Variants in CES2 observed in about 807,000 individuals in gnomAD.
The protein encoded by CES2 is carboxylesterase 2.
A neutral mutation model predicts 52.1 loss-of-function variants in CES2; 42 were observed. The observed-to-expected ratio is 0.81, with a 90% CI of 0.63 to 1.04. CES2 has a LOEUF of 1.04. CES2 is among the 50% of genes least tolerant of loss of function. The pLI, the probability that CES2 is intolerant of heterozygous loss-of-function variation, is 0.00. For missense variants in CES2, 656 were observed against 724.3 expected, an observed-to-expected ratio of 0.91 and a Z score of 1.08; for synonymous variants, 277 against 289.6, an observed-to-expected ratio of 0.96 and a Z score of 0.44.
In CES2 at chr16:66,944,186, T is replaced by G; in HGVS notation, c.*161T>G. ...ATTCAGAAAGCATTTATTAAGAATT[T>G]ACTCAGGCATGATGGCCCATACTTG... On this transcript the variant is annotated 3_prime_UTR_variant, in exon 12 of 12. Transcript: ENST00000317091. The G allele has an allele frequency of 4.2e-6, 2 of 477,786 alleles. No individual in the cohort carries two copies. Among genetic ancestry groups the G allele is most frequent in the Non-Finnish European group, 7.4e-6 (2 of 270,846 alleles). 29.6% of individuals were successfully genotyped at this position (477,786 alleles called of 1,614,324 possible).
chr16:66,936,064 C>T (rs1963206206), intron 1 of CES2: 1 of 1,171,326 alleles, frequency 8.5e-7, no homozygotes, highest in Non-Finnish European at 1.1e-6. Flanking sequence ...GTAGCGGGTG[C>T]TGCCGGCCGG....
intron 9 of CES2, 143 bp downstream of exon 9, chr16:66,942,392 C>A: frequency 1.1e-6 from 1 of 951,632 alleles, no homozygotes; most frequent in Non-Finnish European, 1.5e-6. Context: ...AGTAAATCCT[C>A]ATGGCTAGCC....
At position 66,941,969 on chromosome 16, in the gene CES2, T is replaced by G. The variant is rs1404407499; in HGVS notation, c.1137+121T>G. The G allele has an allele frequency of 3.9e-6, 6 of 1,529,754 alleles. 1 individual carries two copies. Among genetic ancestry groups the G allele is most frequent in the Non-Finnish European group, 5.4e-6 (6 of 1,120,134 alleles). The allele number at this position is 1,529,754 out of a possible 1,614,324, so 94.8% of individuals were successfully genotyped here. On this transcript the variant is annotated intron_variant, in intron 8 of 11. Coordinates refer to ENST00000317091, the MANE Select transcript of CES2 (RefSeq NM_001365405.1). Reference sequence around the variant, plus strand: ...ACCCCCATGAGCAAAGGCCTGGGTGTGTGTGTTTAGGGGTGGGGTCACCTC... The same window carrying G: ...ACCCCCATGAGCAAAGGCCTGGGTGGGTGTGTTTAGGGGTGGGGTCACCTC...
rs1421759367 is a variant in CES2 at position 66,943,732 on chromosome 16, C to G, written c.1494-107C>G. ...CTCCCCACTCATTCCCCAAGCCCAC[C>G]TGGCCTGCTTGGCTGCCTTGCCTGA... On this transcript the variant is annotated intron_variant, in intron 11 of 11. Coordinates refer to ENST00000317091, the MANE Select transcript of CES2 (RefSeq NM_001365405.1). The surrounding 1 kb of genome is among the most constrained non-coding windows in gnomAD (Gnocchi z 4.2). 3.4e-6 allele frequency: 3 copies of G among 890,564 alleles called. No individual in the cohort carries two copies. The highest frequency in any genetic ancestry group is 5.2e-6 in the Non-Finnish European group (3 of 579,352). The allele number at this position is 890,564 out of a possible 1,614,324, so 55.2% of individuals were successfully genotyped here. A position where few individuals can be genotyped will look rare whatever the true frequency, so the allele number is the denominator to read the frequency against.
chr16:66,940,878 G>A (rs774688980), intron 5 of CES2, among the ~76,000 whole-genome samples, 183 bp downstream of exon 5: 6 of 152,220 alleles, frequency 3.9e-5, no homozygotes, highest in Non-Finnish European at 7.3e-5. Flanking sequence ...TGCAGAGGCC[G>A]AGCTTGTTCT....
chr16:66,939,178 A>G, intron 2 of CES2, 39 bp from the exon 3 acceptor site: 3 of 1,607,286 alleles, frequency 1.9e-6, no homozygotes, highest in African/African-American at 2.7e-5. Context: ...TTTTGGCCAC[A>G]GCCTGGCCCC....
At chr16:66,938,790 G>C (rs1963278261) in intron 2 of CES2, among the ~76,000 whole-genome samples, 1 of 152,150 alleles carries the variant, frequency 6.6e-6, no homozygotes, top group African/African-American at 2.4e-5. Flanking sequence ...TGAGAGTTTA[G>C]ACTTGGGATG....
At chr16:66,940,142 G>T in intron 3 of CES2, 80 bp from the exon 4 acceptor site, 2 of 1,571,338 alleles carry the variant, frequency 1.3e-6, no homozygotes, top group Non-Finnish European at 1.7e-6. Context: ...CAGAGGCAAA[G>T]CACTGGTTGG....
upstream of CES2, chr16:66,934,492 T>G: frequency 1.5e-6 from 2 of 1,366,264 alleles, no homozygotes; most frequent in South Asian, 1.5e-5. This position sits in a 1 kb window ranked among gnomAD's most constrained non-coding sequence, Gnocchi z 4.1. Flanking sequence ...TTGTGGGTTC[T>G]CGGCCTGAGG....
chr16:66,942,746 C>A lies in CES2; in HGVS notation c.1381C>A (p.Leu461Ile). 1 of 1,614,210 alleles carries A rather than the reference C, an allele frequency of 6.2e-7. No individual in the cohort carries two copies. The highest frequency in any genetic ancestry group is 8.5e-7 in the Non-Finnish European group (1 of 1,180,052). ...PHMKADHGDELPFVFRSFFGG... is the reference protein window; with the variant it reads ...PHMKADHGDEIPFVFRSFFGG... ...CATGAAGGCAGACCATGGTGATGAGCTTCCTTTTGTTTTCAGAAGTTTCTT... is the reference window on the plus strand; with the variant it reads ...CATGAAGGCAGACCATGGTGATGAGATTCCTTTTGTTTTCAGAAGTTTCTT... Residue 461 changes from leucine to isoleucine, a missense_variant, in exon 10 of 12, where the codon CTT becomes ATT. By Grantham distance (5) the Leu-to-Ile change is conservative. Transcript: ENST00000317091.
In CES2 at chr16:66,940,512, T is replaced by C. The variant is rs755562282; in HGVS notation, c.633T>C (p.Asn211=). 3.7e-6 allele frequency: 6 copies of C among 1,614,116 alleles called. No homozygotes were observed. The African/African-American group carries it at 8.0e-5, about 22-fold the overall frequency. Residue 211 remains asparagine, a synonymous_variant, in exon 5 of 12, where the codon AAT becomes AAC. Coordinates refer to ENST00000317091, the MANE Select transcript of CES2 (RefSeq NM_001365405.1). ...CTGCACTACGCTGGGTCCAGCAGAA[T>C]ATCGCCCACTTTGGAGGCAACCCTG... The part of the protein sequence containing the change: ...QVAALRWVQQ[N]IAHFGGNPDR...
In CES2 at chr16:66,940,513, AT is replaced by A; in HGVS notation, c.635del (p.Ile212ThrfsTer98). 1 of 1,614,220 alleles carries A rather than the reference AT, an allele frequency of 6.2e-7. No individual in the cohort carries two copies. Among genetic ancestry groups the A allele is most frequent in the Non-Finnish European group, 8.5e-7 (1 of 1,180,030 alleles). The part of the protein sequence containing the change: ...VAALRWVQQN[I>X]AHFGGNPDRV... ...TGCACTACGCTGGGTCCAGCAGAAT[AT>A]CGCCCACTTTGGAGGCAACCCTGAC... On this transcript the variant is annotated frameshift_variant, in exon 5 of 12. Coordinates refer to ENST00000317091, the MANE Select transcript of CES2 (RefSeq NM_001365405.1). LOFTEE classifies it high-confidence loss of function.
chr16:66,940,422 C>T lies in CES2; in HGVS notation c.558-15C>T. The T allele has an allele frequency of 6.2e-7, 1 of 1,614,028 alleles. No homozygotes were observed. The highest frequency in any genetic ancestry group is 8.5e-7 in the Non-Finnish European group (1 of 1,179,880). On this transcript the variant is annotated splice_polypyrimidine_tract_variant and intron_variant, in intron 4 of 11. Coordinates refer to ENST00000317091, the MANE Select transcript of CES2 (RefSeq NM_001365405.1). ...CCAGGACAGCCCTGTGATCCCTGTC[C>T]CTGCTACTTCTCAGCACTGGAGACA...
Position 66,942,265 on chromosome 16 carries a change from C to T in CES2, c.1282+16C>T, listed in dbSNP as rs758901676. ...CATTTTCAGTGTGAGTATATTTGGACCAAAGCCTGGCGGGCAGGGTACAGC... is the reference window on the plus strand; with the variant it reads ...CATTTTCAGTGTGAGTATATTTGGATCAAAGCCTGGCGGGCAGGGTACAGC... On this transcript the variant is annotated intron_variant, in intron 9 of 11. Transcript: ENST00000317091. 28 of 1,597,344 alleles carry T rather than the reference C, an allele frequency of 1.8e-5. No individual in the cohort carries two copies. The highest frequency in any genetic ancestry group is 2.2e-5 in the Non-Finnish European group (26 of 1,168,252).
Position 66,943,205 on chromosome 16 carries a change from G to C in CES2, c.1421-94G>C. 7.8e-7 allele frequency: 1 copy of C among 1,281,058 alleles called. No homozygotes were observed. The highest frequency in any genetic ancestry group is 1.1e-6 in the Non-Finnish European group (1 of 901,296). The allele number at this position is 1,281,058 out of a possible 1,614,324, so 79.4% of individuals were successfully genotyped here. A position where few individuals can be genotyped will look rare whatever the true frequency, so the allele number is the denominator to read the frequency against. Reference sequence around the variant, plus strand: ...GAAGAAAAAGCGGAGAAGCAGGACTGGGGACCGAGGTCTCGGGGGCCAAGG... The same window carrying C: ...GAAGAAAAAGCGGAGAAGCAGGACTCGGGACCGAGGTCTCGGGGGCCAAGG... On this transcript the variant is annotated intron_variant, in intron 10 of 11. Transcript: ENST00000317091. The surrounding 1 kb of genome is among the most constrained non-coding windows in gnomAD (Gnocchi z 4.2).
intron 2 of CES2, among the ~76,000 whole-genome samples, chr16:66,938,796 G>A (rs893994692): frequency 5.9e-5 from 9 of 152,102 alleles, no homozygotes; most frequent in Admixed American, 3.3e-4. Flanking sequence ...TTTAGACTTG[G>A]GATGAGAGAC....
rs757763844 is a variant in CES2, at chr16:66,942,647, G to A, written c.1283-1G>A. The A allele has an allele frequency of 3.7e-6, 6 of 1,614,202 alleles. No individual in the cohort carries two copies. Among genetic ancestry groups the A allele is most frequent in the Non-Finnish European group, 5.1e-6 (6 of 1,180,036 alleles). Reference sequence around the variant, plus strand: ...CGTGTCATGGGCTGTCCACCCCACAGGTTCCCGGGCCCCTGTGTACTTCTA... The same window carrying A: ...CGTGTCATGGGCTGTCCACCCCACAAGTTCCCGGGCCCCTGTGTACTTCTA... On this transcript the variant is annotated splice_acceptor_variant, in intron 9 of 11. Coordinates refer to ENST00000317091, the MANE Select transcript of CES2 (RefSeq NM_001365405.1). LOFTEE classifies it high-confidence loss of function.
chr16:66,939,190 G>A (rs1963292810), intron 2 of CES2, 27 bp from the exon 3 acceptor site: 1 of 1,611,842 alleles, frequency 6.2e-7, no homozygotes, highest in African/African-American at 1.3e-5. Flanking sequence ...CCTGGCCCCT[G>A]GACTGATTAT....
At chr16:66,935,812 G>A (rs760788132) in intron 1 of CES2, 101 bp downstream of exon 1, 2 of 1,585,224 alleles carry the variant, frequency 1.3e-6, no homozygotes, top group Non-Finnish European at 1.7e-6. Flanking sequence ...CTGGGAGGTA[G>A]GAGCTGGTGG....
Sources: gnomAD v4.1 joint callset for allele counts (sites outside exome capture counted in the v4.1 genomes callset) on GRCh38, gnomAD v4.1.1 for gene constraint, Gnocchi (gnomAD v3.1) non-coding constraint, MANE v1.5 for transcripts, NCBI Gene and HGNC (gene_info 2026-07-23, HGNC 2026-07-21) for gene names.